Variants in CNTLN observed in about 807,000 individuals in gnomAD.
CNTLN encodes the protein centlein, centrosomal protein.
CNTLN carries 212 observed loss-of-function variants against 180.0 expected under a neutral mutation model. The ratio of observed to expected loss-of-function variants is 1.18; its 90% CI spans 1.05 to 1.32. The LOEUF is 1.32. Ranked by LOEUF, CNTLN falls within the 40% of genes most tolerant of loss-of-function variation. The probability of loss-of-function intolerance (pLI) is 0.00; values close to 1 mark genes in which losing one functional copy is unlikely to be tolerated. For missense variants in CNTLN, 2,095 were observed against 1,610.9 expected (o/e 1.30, Z -5.14); for synonymous variants, 722 against 563.1 (o/e 1.28, Z -3.99).
At chr9:17,304,654 A>G (rs958731941) in intron 7 of CNTLN, among the ~76,000 whole-genome samples, 1 of 152,166 alleles carries the variant, frequency 6.6e-6, no homozygotes, top group African/African-American at 2.4e-5. Context: ...TCCATAGGGC[A>G]TATCCCCATT....
chr9:17,279,933 C>T (rs756753116), intron 6 of CNTLN, among the ~76,000 whole-genome samples: 65 of 147,330 alleles, frequency 4.4e-4, no homozygotes, highest in African/African-American at 1.5e-3. Context: ...CCTTATAAGA[C>T]GAAGAGAGAC....
intron 8 of CNTLN, among the ~76,000 whole-genome samples, chr9:17,311,977 G>T (rs563166328): frequency 6.7e-6 from 1 of 149,104 alleles, no homozygotes; most frequent in East Asian, 2.0e-4. Context: ...TATGGTGTTA[G>T]TATAATAATT....
rs571673361 is a variant in CNTLN, at chr9:17,315,101, C to G, written c.1341+5849C>G. 3.9e-5 allele frequency among the ~76,000 whole-genome samples: 6 copies of G among 152,142 alleles called. No homozygotes were observed. In the South Asian group the frequency reaches 1.2e-3, roughly 32 times the overall value. Reference sequence around the variant, plus strand: ...AATCCCTTTATTCTTTTGTGCAATTCTGTATTTCCCACTAGGATCTTTTGC... The same window carrying G: ...AATCCCTTTATTCTTTTGTGCAATTGTGTATTTCCCACTAGGATCTTTTGC... On this transcript the variant is annotated intron_variant, in intron 8 of 25. Coordinates refer to ENST00000380647, the MANE Select transcript of CNTLN (RefSeq NM_017738.4).
chr9:17,261,673 CTGAT>C (rs1454285989), intron 5 of CNTLN, among the ~76,000 whole-genome samples: 3 of 151,234 alleles, frequency 2.0e-5, no homozygotes, highest in East Asian at 1.9e-4. Flanking sequence ...TTTCTCTTGA[CTGAT>C]TGCTCTGGCT....
At chr9:17,510,754 T>A in the CNTLN span, among the ~76,000 whole-genome samples, 1 of 152,226 alleles carries the variant, frequency 6.6e-6, no homozygotes, top group African/African-American at 2.4e-5. Context: ...TAAATCTGTC[T>A]GTTTCCCCAT....
At chr9:17,416,315 C>T (rs1480280845) in intron 18 of CNTLN, 126 bp downstream of exon 18, 1 of 709,014 alleles carries the variant, frequency 1.4e-6, no homozygotes, top group Non-Finnish European at 2.2e-6. Flanking sequence ...ATCCCAGGCA[C>T]TGTTTACTAG....
chr9:17,222,324 C>G (rs11998934), intron 2 of CNTLN, among the ~76,000 whole-genome samples: 3,217 of 152,050 alleles, frequency 0.021, 114 homozygotes, highest in African/African-American at 0.074. Context: ...AACTACTGAC[C>G]TTAATTGATA....
In CNTLN at chr9:17,288,488, A is replaced by C. The variant is rs551714667; in HGVS notation, c.984-9702A>C. Among the ~76,000 whole-genome samples, 25 of 142,778 alleles carry C rather than the reference A, an allele frequency of 1.8e-4. 2 individuals are homozygous for C. The highest frequency in any genetic ancestry group is 1.1e-3 in the Admixed American group (16 of 14,362). The allele number at this position is 142,778 out of a possible 152,430, so 93.7% of individuals were successfully genotyped here. A position where few individuals can be genotyped will look rare whatever the true frequency, so the allele number is the denominator to read the frequency against. On this transcript the variant is annotated intron_variant, in intron 6 of 25. Coordinates refer to ENST00000380647, the MANE Select transcript of CNTLN (RefSeq NM_017738.4). ...GCTGAAAAAAATGTATATTCTGTTG[A>C]TTTGGGGTGGAGAGTTCTGTAGATG... is the stretch of plus-strand genomic sequence containing the variant.
intron 2 of CNTLN, among the ~76,000 whole-genome samples, chr9:17,175,355 T>C (rs985586366): frequency 6.6e-6 from 1 of 152,174 alleles, no homozygotes; most frequent in African/African-American, 2.4e-5. Context: ...CTTTTCTTTT[T>C]TTGCCTGTGG....
chr9:17,310,854 A>G (rs1473435098), intron 8 of CNTLN, among the ~76,000 whole-genome samples: 1 of 151,956 alleles, frequency 6.6e-6, no homozygotes, highest in Non-Finnish European at 1.5e-5. Flanking sequence ...CTATCTGTTT[A>G]TGTCTTTTTT....
chr9:17,356,151 G>C (rs1421333762), intron 12 of CNTLN, among the ~76,000 whole-genome samples: 2 of 151,848 alleles, frequency 1.3e-5, no homozygotes, highest in Non-Finnish European at 2.9e-5. Flanking sequence ...AGAATATTAA[G>C]GTCAGAGATA....
chr9:17,335,533 T>A (rs1350139199), intron 10 of CNTLN, among the ~76,000 whole-genome samples: 2 of 152,162 alleles, frequency 1.3e-5, no homozygotes, highest in Admixed American at 1.3e-4. Flanking sequence ...ATTTATGTTT[T>A]TAATCAATTC....
intron 18 of CNTLN, among the ~76,000 whole-genome samples, chr9:17,429,157 T>A (rs537772601): frequency 6.6e-6 from 1 of 152,148 alleles, no homozygotes; most frequent in South Asian, 2.1e-4. Context: ...ATGAGCCAAC[T>A]GTGGAAGTAG....
At chr9:17,349,687 A>G (rs989057195) in intron 12 of CNTLN, among the ~76,000 whole-genome samples, 2 of 152,146 alleles carry the variant, frequency 1.3e-5, no homozygotes, top group African/African-American at 4.8e-5. Flanking sequence ...ATAATATTTC[A>G]TTTATATTTA....
At chr9:17,322,900 A>T (rs943130235) in intron 8 of CNTLN, among the ~76,000 whole-genome samples, 2 of 152,214 alleles carry the variant, frequency 1.3e-5, no homozygotes, top group African/African-American at 4.8e-5. Flanking sequence ...AAATAATACA[A>T]CACAAGCTTT....
intron 18 of CNTLN, 128 bp downstream of exon 18, chr9:17,416,317 G>A (rs998878839): frequency 9.0e-6 from 6 of 664,392 alleles, no homozygotes; most frequent in African/African-American, 1.8e-5. Context: ...CCCAGGCACT[G>A]TTTACTAGTG....
chr9:17,237,096 A>G (rs1363664322), intron 5 of CNTLN, among the ~76,000 whole-genome samples: 1 of 152,076 alleles, frequency 6.6e-6, no homozygotes, highest in African/African-American at 2.4e-5. Context: ...ATTTTTATAG[A>G]AGATAAAAGT....
At chr9:17,468,109 A>T (rs1052106779) in intron 23 of CNTLN, among the ~76,000 whole-genome samples, 5 of 151,664 alleles carry the variant, frequency 3.3e-5, no homozygotes, top group African/African-American at 1.2e-4. Context: ...ATGGAGCTGG[A>T]GGCCATTATC....
chr9:17,385,524 A>G (rs748668378), intron 13 of CNTLN, among the ~76,000 whole-genome samples: 4 of 152,118 alleles, frequency 2.6e-5, no homozygotes, highest in Non-Finnish European at 5.9e-5. Context: ...ATAACAAAAG[A>G]TGGTCCTATT....
Sources: allele counts gnomAD v4.1 joint callset (sites outside exome capture counted in the v4.1 genomes callset), GRCh38; gene constraint gnomAD v4.1.1; transcripts MANE v1.5; gene names NCBI Gene and HGNC (gene_info 2026-07-23, HGNC 2026-07-21).